KCNIP4: variants seen among roughly 807,000 people sequenced by gnomAD.
KCNIP4 encodes the protein Kv channel-interacting protein 4.
In KCNIP4, 12 loss-of-function variants were observed where a neutral mutation model predicts 34.0. The observed-to-expected ratio is 0.35, with a 90% CI of 0.23 to 0.57. The LOEUF is 0.57. Among genes scored for constraint, KCNIP4 ranks in the 20% least tolerant of loss-of-function variants. The pLI is 0.83. For synonymous variants in KCNIP4, 124 were observed against 102.2 expected (o/e 1.21, Z -1.29); for missense variants, 238 against 311.7 (o/e 0.76, Z 1.78).
At chr4:21,330,325 C>A (rs889435774) in intron 1 of KCNIP4, among the ~76,000 whole-genome samples, 1 of 152,016 alleles carries the variant, frequency 6.6e-6, no homozygotes, top group Non-Finnish European at 1.5e-5. Context: ...CATGTTAACC[C>A]GAATAAGTTT....
At chr4:21,630,933 A>AT (rs1303239400) in intron 1 of KCNIP4, among the ~76,000 whole-genome samples, 1 of 152,200 alleles carries the variant, frequency 6.6e-6, no homozygotes, top group Non-Finnish European at 1.5e-5. Flanking sequence ...CTTGAACACC[A>AT]TATGGTACTT....
In KCNIP4 at chr4:20,760,351, A is replaced by G. The variant is rs1253061866; in HGVS notation, c.289-1461T>C. 2.1e-4 allele frequency among the ~76,000 whole-genome samples: 32 copies of G among 152,162 alleles called. 1 individual carries two copies. The highest frequency in any genetic ancestry group is 2.1e-3 in the Admixed American group (32 of 15,270). The stretch of plus-strand genomic sequence containing the variant: ...ATATTCTGTGTACTCTAAATTTGAT[A>G]CTGTTTCCAGCATCTTTATCAATCA... On this transcript the variant is annotated intron_variant, in intron 3 of 8. Coordinates refer to ENST00000382152, the MANE Select transcript of KCNIP4 (RefSeq NM_025221.6).
intron 1 of KCNIP4, among the ~76,000 whole-genome samples, chr4:21,691,691 CTTTTTTTTT>C (rs36004947): frequency 0.092 from 9,497 of 103,226 alleles, 903 homozygotes; most frequent in African/African-American, 0.28. Context: ...AAACGCAGCT[CTTTTTTTTT>C]TTTTTTTTTT....
intron 2 of KCNIP4, among the ~76,000 whole-genome samples, chr4:20,873,194 T>G (rs747466314): frequency 4.6e-5 from 7 of 152,178 alleles, no homozygotes; most frequent in Non-Finnish European, 8.8e-5. Context: ...GACACTAAGC[T>G]TTGGTATTAT....
chr4:21,928,010 A>G (rs1188545485), intron 1 of KCNIP4, among the ~76,000 whole-genome samples: 1 of 152,088 alleles, frequency 6.6e-6, no homozygotes, highest in African/African-American at 2.4e-5. Context: ...TACATAGGTT[A>G]TAAGTATAAT....
rs567783895 is a variant in KCNIP4 at position 21,699,569 on chromosome 4, C to G, written c.61+249002G>C. The stretch of plus-strand genomic sequence containing the variant: ...GTTTAAATTACAAGAAGGAACTGAC[C>G]GTGAGATGTTTAGGGTAAAGGGCAC... On this transcript the variant is annotated intron_variant, in intron 1 of 8. Coordinates refer to ENST00000382152, the MANE Select transcript of KCNIP4 (RefSeq NM_025221.6). 3.9e-5 allele frequency among the ~76,000 whole-genome samples: 6 copies of G among 152,078 alleles called. No individual in the cohort carries two copies. In the East Asian group the frequency reaches 5.8e-4, roughly 15 times the overall value.
chr4:21,259,660 A>G (rs6828595), intron 1 of KCNIP4, among the ~76,000 whole-genome samples: 42,746 of 152,092 alleles, frequency 0.28, 6,285 homozygotes, highest in South Asian at 0.33. Context: ...GAAGAAAAGC[A>G]TTACCTTTTC....
At chr4:21,823,703 C>T (rs1722507547) in intron 1 of KCNIP4, among the ~76,000 whole-genome samples, 1 of 152,112 alleles carries the variant, frequency 6.6e-6, no homozygotes, top group Non-Finnish European at 1.5e-5. Flanking sequence ...GTGAGAATGA[C>T]TACTCACCTG....
intron 1 of KCNIP4, among the ~76,000 whole-genome samples, chr4:21,313,550 G>A (rs1713412595): frequency 6.6e-6 from 1 of 152,024 alleles, no homozygotes; most frequent in African/African-American, 2.4e-5. Flanking sequence ...AGTTAAACTA[G>A]AATCGAATTA....
At chr4:20,777,762 A>G (rs1176021881) in intron 3 of KCNIP4, among the ~76,000 whole-genome samples, 2 of 152,218 alleles carry the variant, frequency 1.3e-5, no homozygotes, top group Admixed American at 1.3e-4. Context: ...GAAACCATGA[A>G]GTTTGACGTT....
At chr4:21,714,786 ATT>A (rs1491176491) in intron 1 of KCNIP4, among the ~76,000 whole-genome samples, 1,834 of 46,230 alleles carry the variant, frequency 0.04, 148 homozygotes, top group African/African-American at 0.23. Flanking sequence ...TTTCCCTTTG[ATT>A]ATTTTATTTT....
At position 21,570,282 on chromosome 4, in the gene KCNIP4, G is replaced by A. The variant is rs1740261330; in HGVS notation, c.61+378289C>T. The stretch of plus-strand genomic sequence containing the variant: ...GCCAACAGGTAAAAGAGGCAGAGAT[G>A]TAGAGGTTTTAATGTAAAGAAACAG... On this transcript the variant is annotated intron_variant, in intron 1 of 8. Coordinates refer to ENST00000382152, the MANE Select transcript of KCNIP4 (RefSeq NM_025221.6). 2.6e-5 allele frequency among the ~76,000 whole-genome samples: 4 copies of A among 152,126 alleles called. No individual in the cohort carries two copies. In the South Asian group the frequency reaches 8.3e-4, roughly 31 times the overall value.
At chr4:20,816,983 GTA>G (rs1716474015) in intron 3 of KCNIP4, among the ~76,000 whole-genome samples, 1 of 152,178 alleles carries the variant, frequency 6.6e-6, no homozygotes. Flanking sequence ...TTACAGAGTT[GTA>G]ATTTAGAGGC....
intron 2 of KCNIP4, among the ~76,000 whole-genome samples, chr4:20,854,427 G>T (rs1721361173): frequency 6.6e-6 from 1 of 152,198 alleles, no homozygotes; most frequent in African/African-American, 2.4e-5. Context: ...ACTGATTTGT[G>T]TGAGCTAAGC....
chr4:21,639,570 A>G (rs1229101041), intron 1 of KCNIP4, among the ~76,000 whole-genome samples: 1 of 48,418 alleles, frequency 2.1e-5, no homozygotes, highest in Non-Finnish European at 5.8e-5. Flanking sequence ...TCTGACAAGA[A>G]TATTGATAAA....
At chr4:21,853,727 A>T (rs1724562894) in intron 1 of KCNIP4, among the ~76,000 whole-genome samples, 1 of 152,206 alleles carries the variant, frequency 6.6e-6, no homozygotes, top group African/African-American at 2.4e-5. Context: ...ATAGGGGAAT[A>T]TCTGAGAAAA....
chr4:21,570,492 T>A lies in KCNIP4; in HGVS notation c.61+378079A>T, dbSNP rs376340643. Among the ~76,000 whole-genome samples the A allele has an allele frequency of 7.2e-5, 11 of 152,210 alleles. No individual in the cohort carries two copies. The East Asian group carries it at 2.1e-3, about 30-fold the overall frequency. On this transcript the variant is annotated intron_variant, in intron 1 of 8. Transcript: ENST00000382152. ...TGTTTGTAGACTATTTAATTTAACC[T>A]TAGCATCAAGCATGTAATATAGGAA... is the stretch of plus-strand genomic sequence containing the variant.
intron 1 of KCNIP4, among the ~76,000 whole-genome samples, chr4:21,505,643 C>T (rs1307889874): frequency 6.6e-6 from 1 of 152,142 alleles, no homozygotes; most frequent in East Asian, 1.9e-4. Context: ...TGTTTACAAA[C>T]CCAACTTCCC....
At chr4:20,775,076 G>A (rs894734257) in intron 3 of KCNIP4, among the ~76,000 whole-genome samples, 2 of 152,010 alleles carry the variant, frequency 1.3e-5, no homozygotes, top group Non-Finnish European at 2.9e-5. Context: ...TAATTATTTA[G>A]CGTCTACTGT....
Sources: allele counts gnomAD v4.1 joint callset (sites outside exome capture counted in the v4.1 genomes callset), GRCh38; gene constraint gnomAD v4.1.1; transcripts MANE v1.5; gene names NCBI Gene and HGNC (gene_info 2026-07-23, HGNC 2026-07-21).